ANK3: variants seen among roughly 807,000 people sequenced by gnomAD.
ANK3 encodes ankyrin 3.
Under a neutral mutation model 370.9 loss-of-function variants are expected in ANK3, and 57 were observed. The observed-to-expected ratio is 0.15, with a 90% confidence interval of 0.12 to 0.19. The LOEUF (loss-of-function observed/expected upper bound fraction) is 0.19, where lower values mean the gene tolerates loss of function less well. Among genes scored for constraint, ANK3 ranks in the 10% least tolerant of loss-of-function variants. ANK3 has a pLI of 1.00. For missense variants in ANK3, 4,439 were observed against 5,302.1 expected (o/e 0.84, Z 5.06); for synonymous variants, 1,929 against 1,946.3 (o/e 0.99, Z 0.23).
intron 16 of ANK3, among the ~76,000 whole-genome samples, chr10:60,189,770 G>C (rs1488490650): frequency 6.6e-6 from 1 of 152,136 alleles, no homozygotes; most frequent in Admixed American, 6.5e-5. Flanking sequence ...TTGATGTAGA[G>C]GACCAAGTGC....
rs1335921848 is a variant in ANK3 at position 60,127,731 on chromosome 10, C to T, written c.2841+6540G>A. ...TTTTTTTTTTGGAGACAGAGTCTCGCTCTGTCTCCCAGGCTGGAGTGCAGT... is the reference window on the plus strand; with the variant it reads ...TTTTTTTTTTGGAGACAGAGTCTCGTTCTGTCTCCCAGGCTGGAGTGCAGT... On this transcript the variant is annotated intron_variant, in intron 25 of 43. Coordinates refer to ENST00000280772, the MANE Select transcript of ANK3 (RefSeq NM_020987.5). Among the ~76,000 whole-genome samples the T allele has an allele frequency of 4.2e-5, 6 of 143,382 alleles. 1 individual carries two copies. Among genetic ancestry groups the T allele is most frequent in the South Asian group, 4.4e-4 (2 of 4,546 alleles). 94.1% of individuals were successfully genotyped at this position (143,382 alleles called of 152,430 possible).
At chr10:60,540,030 T>C (rs2076811840) in intron 2 of ANK3, among the ~76,000 whole-genome samples, 1 of 151,864 alleles carries the variant, frequency 6.6e-6, no homozygotes, top group African/African-American at 2.4e-5. Flanking sequence ...CTCTCTGAGA[T>C]AGTAACATCT....
intron 22 of ANK3, 74 bp downstream of exon 22, chr10:60,166,750 T>C: frequency 6.3e-7 from 1 of 1,588,338 alleles, no homozygotes; most frequent in South Asian, 1.1e-5. Flanking sequence ...ATTTTTGCAA[T>C]GGACTTTCTT....
chr10:60,067,957 A>T lies in ANK3; in HGVS notation c.12297T>A (p.Asp4099Glu). 6.2e-7 allele frequency: 1 copy of T among 1,610,312 alleles called. No individual in the cohort carries two copies. Among genetic ancestry groups the T allele is most frequent in the Non-Finnish European group, 8.5e-7 (1 of 1,177,154 alleles). The change falls in exon 38 of 44, where the codon GAT (aspartate) becomes GAA (glutamate). Residue 4099 changes from aspartate to glutamate, a missense_variant. Asp to Glu is a conservative substitution (Grantham distance 45). Coordinates refer to ENST00000280772, the MANE Select transcript of ANK3 (RefSeq NM_020987.5). ...RTDIRMAIVA[D>E]HLGLSWTELA... ...TACCTGTCCAACTAAGTCCCAGGTG[A>T]TCGGCTACTATTGCCATCCTGATAT...
chr10:60,192,800 A>T (rs938400614), intron 16 of ANK3, among the ~76,000 whole-genome samples: 3 of 152,162 alleles, frequency 2.0e-5, no homozygotes, highest in Non-Finnish European at 2.9e-5. Context: ...ACTAAGCGAC[A>T]TATCCATGTA....
intron 1 of ANK3, among the ~76,000 whole-genome samples, chr10:60,359,412 C>G (rs2058275061): frequency 6.6e-6 from 1 of 152,256 alleles, no homozygotes; most frequent in Middle Eastern, 3.4e-3. Context: ...AAATATATAC[C>G]AAGCCCAACT....
At chr10:60,086,008 G>A (rs980266216) in intron 30 of ANK3, among the ~76,000 whole-genome samples, 1 of 152,126 alleles carries the variant, frequency 6.6e-6, no homozygotes, top group Non-Finnish European at 1.5e-5. Flanking sequence ...GGGTAAAAAG[G>A]GGCATCAGCC....
intron 7 of ANK3, among the ~76,000 whole-genome samples, chr10:60,240,306 A>ATATATATATATTTTTTTT (rs11282162): frequency 8.3e-6 from 1 of 119,772 alleles, no homozygotes; most frequent in Non-Finnish European, 1.7e-5. Context: ...ATATATATAT[A>ATATATATATATTTTTTTT]TTTTTTTTTC....
At chr10:60,633,430 C>T (rs186022916) in intron 1 of ANK3, among the ~76,000 whole-genome samples, 40 of 151,770 alleles carry the variant, frequency 2.6e-4, no homozygotes, top group African/African-American at 9.0e-4. Context: ...TAAGCAAATA[C>T]AATGAATCAT....
intron 1 of ANK3, among the ~76,000 whole-genome samples, chr10:60,350,795 G>C (rs765333810): frequency 6.6e-6 from 1 of 152,148 alleles, no homozygotes; most frequent in Non-Finnish European, 1.5e-5. Flanking sequence ...GTTCCACAGG[G>C]TCTCAGCAGC....
At chr10:60,717,287 T>C (rs972450757) in intron 1 of ANK3, among the ~76,000 whole-genome samples, 52 of 151,982 alleles carry the variant, frequency 3.4e-4, no homozygotes, top group Non-Finnish European at 7.4e-5. Flanking sequence ...TGCATAAAAC[T>C]GTCAAAATAT....
intron 1 of ANK3, among the ~76,000 whole-genome samples, chr10:60,662,880 C>A (rs191608690): frequency 2.0e-5 from 3 of 152,248 alleles, no homozygotes; most frequent in Admixed American, 2.0e-4. Flanking sequence ...ATTAAACTAT[C>A]CCAGAACTTT....
chr10:60,342,480 A>G (rs191562776), intron 1 of ANK3, among the ~76,000 whole-genome samples: 15 of 152,332 alleles, frequency 9.8e-5, no homozygotes, highest in African/African-American at 3.6e-4. Context: ...GGAAACATGC[A>G]TATCACCATC....
At chr10:60,304,319 T>C (rs2044488764) in intron 1 of ANK3, among the ~76,000 whole-genome samples, 1 of 152,090 alleles carries the variant, frequency 6.6e-6, no homozygotes, top group South Asian at 2.1e-4. Flanking sequence ...ATTAATTAGC[T>C]TGACTGTGAT....
chr10:60,045,364 C>A (rs769036248), intron 42 of ANK3, among the ~76,000 whole-genome samples: 2 of 152,220 alleles, frequency 1.3e-5, no homozygotes, highest in African/African-American at 4.8e-5. Context: ...CCAGGGTGGG[C>A]GCCTATTTTC....
intron 1 of ANK3, among the ~76,000 whole-genome samples, chr10:60,283,175 C>T (rs1015098810): frequency 2.0e-5 from 3 of 152,110 alleles, no homozygotes; most frequent in African/African-American, 7.2e-5. Flanking sequence ...GATTCTTAAC[C>T]ATTTTCCCAC....
chr10:60,656,490 C>T (rs1029390280), intron 1 of ANK3, among the ~76,000 whole-genome samples: 1 of 151,672 alleles, frequency 6.6e-6, no homozygotes, highest in Non-Finnish European at 1.5e-5. Context: ...TATGGTTTGT[C>T]TTTTTGTCTA....
chr10:60,165,971 C>A (rs191459045), intron 23 of ANK3, among the ~76,000 whole-genome samples: 20 of 152,254 alleles, frequency 1.3e-4, no homozygotes, highest in Non-Finnish European at 2.2e-4. Context: ...ATTGATATAT[C>A]TGTATATCAT....
At chr10:60,083,729 TA>T (rs2085889285) in intron 32 of ANK3, 112 bp from the exon 33 acceptor site, 1 of 872,906 alleles carries the variant, frequency 1.1e-6, no homozygotes, top group Admixed American at 3.0e-5. Flanking sequence ...CACGTGTCTC[TA>T]TTAGGCAGTT....
Sources: allele counts gnomAD v4.1 joint callset (sites outside exome capture counted in the v4.1 genomes callset), GRCh38; gene constraint gnomAD v4.1.1; transcripts MANE v1.5; gene names NCBI Gene and HGNC (gene_info 2026-07-23, HGNC 2026-07-21).